GULP1: variants seen among roughly 807,000 people sequenced by gnomAD.
GULP1 encodes PTB domain-containing engulfment adapter protein 1.
In GULP1, 19 loss-of-function variants were observed where a neutral mutation model predicts 40.9. That is an observed-to-expected ratio of 0.46 (90% CI 0.32 to 0.68). GULP1 has a LOEUF of 0.68. Among genes scored for constraint, GULP1 ranks in the 30% least tolerant of loss-of-function variants. The pLI is 0.03. For missense variants in GULP1, 312 were observed against 362.2 expected, an observed-to-expected ratio of 0.86 and a Z score of 1.12; for synonymous variants, 119 against 117.6, an observed-to-expected ratio of 1.01 and a Z score of -0.08.
intron 2 of GULP1, among the ~76,000 whole-genome samples, chr2:188,464,896 G>T (rs140405890): frequency 6.6e-6 from 1 of 152,050 alleles, no homozygotes; most frequent in East Asian, 1.9e-4. Flanking sequence ...AGACTCAACC[G>T]TCATGGCAGT....
chr2:188,519,251 GAAAT>G (rs2065490404), intron 4 of GULP1, among the ~76,000 whole-genome samples: 1 of 152,158 alleles, frequency 6.6e-6, no homozygotes, highest in South Asian at 2.1e-4. Flanking sequence ...AAGCTAATGT[GAAAT>G]AAACATGTTA....
At chr2:188,557,294 C>T (rs1695014504) in intron 7 of GULP1, among the ~76,000 whole-genome samples, 1 of 152,168 alleles carries the variant, frequency 6.6e-6, no homozygotes, top group African/African-American at 2.4e-5. Flanking sequence ...AAGGGAAGTC[C>T]CTTTCACTTA....
chr2:188,525,165 G>T (rs1685847081), intron 5 of GULP1, among the ~76,000 whole-genome samples: 2 of 151,450 alleles, frequency 1.3e-5, no homozygotes, highest in South Asian at 4.2e-4. Flanking sequence ...ACCTTTTAAG[G>T]TTCAGATACT....
intron 1 of GULP1, among the ~76,000 whole-genome samples, chr2:188,301,171 T>C (rs747461339): frequency 6.6e-6 from 1 of 152,166 alleles, no homozygotes; most frequent in Admixed American, 6.5e-5. Flanking sequence ...CATGCCACCA[T>C]GCATGGCTAA....
chr2:188,397,860 C>T (rs2051508880), intron 2 of GULP1, among the ~76,000 whole-genome samples: 1 of 152,172 alleles, frequency 6.6e-6, no homozygotes, highest in African/African-American at 2.4e-5. Context: ...AAAGTGATCA[C>T]CCATGATGGA....
intron 1 of GULP1, among the ~76,000 whole-genome samples, chr2:188,341,987 C>T (rs953297901): frequency 6.6e-5 from 10 of 152,092 alleles, no homozygotes; most frequent in Non-Finnish European, 1.5e-4. Flanking sequence ...TCTATACACT[C>T]CTTTAGTGTG....
chr2:188,594,874 C>T lies in GULP1; in HGVS notation c.*863C>T, dbSNP rs968672433. On this transcript the variant is annotated 3_prime_UTR_variant, in exon 12 of 12. Coordinates refer to ENST00000409830, the MANE Select transcript of GULP1 (RefSeq NM_016315.4). ...TTACTTTACCAAATATATTTCTCCT[C>T]ACTGCATAAGGACTACTCTTCTCAT... 2.0e-5 allele frequency: 3 copies of T among 151,788 alleles called. No homozygotes were observed. The highest frequency in any genetic ancestry group is 4.4e-5 in the Non-Finnish European group (3 of 67,734). The allele number at this position is 151,788 out of a possible 1,614,324, so 9.4% of individuals were successfully genotyped here.
chr2:188,431,691 C>T (rs192966160), intron 2 of GULP1, among the ~76,000 whole-genome samples: 5 of 152,064 alleles, frequency 3.3e-5, no homozygotes, highest in Admixed American at 2.6e-4. Context: ...AATCTTATCA[C>T]GACTTACAAA....
intron 1 of GULP1, among the ~76,000 whole-genome samples, chr2:188,343,933 G>A (rs2043293357): frequency 1.3e-5 from 2 of 152,184 alleles, no homozygotes; most frequent in African/African-American, 4.8e-5. Flanking sequence ...CTCTCAAATA[G>A]CAAATAGCTG....
At position 188,500,425 on chromosome 2, in the gene GULP1, T is replaced by G. The variant is rs189586598; in HGVS notation, c.90+16933T>G. Reference sequence around the variant, plus strand: ...CAAATTGAGTGGCTTTAGTTTCAATTTTCTCTGCTCCTGCACACCAGCTGT... The same window carrying G: ...CAAATTGAGTGGCTTTAGTTTCAATGTTCTCTGCTCCTGCACACCAGCTGT... On this transcript the variant is annotated intron_variant, in intron 4 of 11. Coordinates refer to ENST00000409830, the MANE Select transcript of GULP1 (RefSeq NM_016315.4). Among the ~76,000 whole-genome samples the G allele has an allele frequency of 1.2e-4, 18 of 152,056 alleles. No homozygotes were observed. The East Asian group carries it at 3.5e-3, about 30-fold the overall frequency.
chr2:188,490,751 A>C (rs2062296742), intron 4 of GULP1, among the ~76,000 whole-genome samples: 1 of 151,996 alleles, frequency 6.6e-6, no homozygotes, highest in South Asian at 2.1e-4. Context: ...AGTTGAACAT[A>C]TTTATCATTT....
chr2:188,310,839 C>T (rs1344229080), intron 1 of GULP1, among the ~76,000 whole-genome samples: 1 of 152,016 alleles, frequency 6.6e-6, no homozygotes, highest in Non-Finnish European at 1.5e-5. Context: ...TCTTAAACCT[C>T]ATAGGAGGAA....
intron 11 of GULP1, 118 bp downstream of exon 11, chr2:188,588,067 TTAAAA>T: frequency 1.4e-6 from 1 of 712,958 alleles, no homozygotes; most frequent in Non-Finnish European, 2.6e-6. Flanking sequence ...AAAAACTCGC[TTAAAA>T]TAATTACTTT....
intron 2 of GULP1, among the ~76,000 whole-genome samples, chr2:188,405,675 G>A (rs1030183061): frequency 1.3e-5 from 2 of 152,154 alleles, no homozygotes; most frequent in Admixed American, 6.6e-5. Context: ...TTACATTCAG[G>A]GACTCAGGCA....
chr2:188,371,404 G>C (rs1238857183), intron 1 of GULP1, among the ~76,000 whole-genome samples: 4 of 151,888 alleles, frequency 2.6e-5, no homozygotes, highest in Non-Finnish European at 5.9e-5. Context: ...TAGTACAAAG[G>C]ATTTTAACAT....
chr2:188,473,681 G>A (rs1161858539), intron 2 of GULP1, among the ~76,000 whole-genome samples: 3 of 152,086 alleles, frequency 2.0e-5, no homozygotes, highest in East Asian at 1.9e-4. Flanking sequence ...CAGTGGACTC[G>A]CCTCTGGCCA....
chr2:188,402,814 A>C lies in GULP1; in HGVS notation c.-45+18925A>C, dbSNP rs543023956. Among the ~76,000 whole-genome samples the C allele has an allele frequency of 3.9e-5, 6 of 152,174 alleles. No homozygotes were observed. The South Asian group carries it at 1.0e-3, about 26-fold the overall frequency. On this transcript the variant is annotated intron_variant, in intron 2 of 11. Transcript: ENST00000409830. The stretch of plus-strand genomic sequence containing the variant: ...TTTAACAGTAATAATAATAATAATA[A>C]TGGCCAACACTTACATATTACATTG...
chr2:188,300,645 A>G lies in GULP1; in HGVS notation c.-172+8479A>G, dbSNP rs114129715. On this transcript the variant is annotated intron_variant, in intron 1 of 11. Transcript: ENST00000409830. Reference sequence around the variant, plus strand: ...GCTTGGCTTGACCATTCTGTGAGATACATCTATTTTAAAATTAGTTTATTA... The same window carrying G: ...GCTTGGCTTGACCATTCTGTGAGATGCATCTATTTTAAAATTAGTTTATTA... Among the ~76,000 whole-genome samples, 1,128 of 152,276 alleles carry G rather than the reference A, an allele frequency of 7.4e-3. 16 individuals carry two copies. Among genetic ancestry groups the G allele is most frequent in the African/African-American group, 0.026 (1,081 of 41,552 alleles).
At chr2:188,390,725 T>A (rs539438803) in intron 2 of GULP1, among the ~76,000 whole-genome samples, 1 of 152,148 alleles carries the variant, frequency 6.6e-6, no homozygotes, top group Non-Finnish European at 1.5e-5. Flanking sequence ...CTGGGTTATC[T>A]TCTAGGTTTT....
Sources: gnomAD v4.1 joint callset for allele counts (sites outside exome capture counted in the v4.1 genomes callset) on GRCh38, gnomAD v4.1.1 for gene constraint, MANE v1.5 for transcripts, NCBI Gene and HGNC (gene_info 2026-07-23, HGNC 2026-07-21) for gene names.